Variants in KLHDC2 observed in about 807,000 individuals in gnomAD.
The protein encoded by KLHDC2 is kelch domain-containing protein 2.
Under a neutral mutation model 62.3 loss-of-function variants are expected in KLHDC2, and 38 were observed. That is an observed-to-expected ratio of 0.61 (90% CI 0.47 to 0.80). The LOEUF (loss-of-function observed/expected upper bound fraction) is 0.80. Ranked by LOEUF, KLHDC2 falls within the 30% of genes least tolerant of loss-of-function variation. The probability of loss-of-function intolerance (pLI) is 0.00; values close to 1 mark genes in which losing one functional copy is unlikely to be tolerated. For synonymous variants in KLHDC2, 159 were observed against 161.0 expected (o/e 0.99, Z 0.09); for missense variants, 430 against 495.3 (o/e 0.87, Z 1.25).
intron 3 of KLHDC2, 109 bp from the exon 4 acceptor site, chr14:49,777,730 G>A (rs948014106): frequency 2.0e-5 from 12 of 613,336 alleles, no homozygotes; most frequent in Non-Finnish European, 3.1e-5. Flanking sequence ...CACAATTTCA[G>A]TAGCACTGAA....
Position 49,785,360 on chromosome 14 carries a change from C to G in KLHDC2, c.*2407C>G, listed in dbSNP as rs578083159. The G allele has an allele frequency of 4.3e-6, 6 of 1,389,576 alleles. No individual in the cohort carries two copies. Among genetic ancestry groups the G allele is most frequent in the Non-Finnish European group, 5.1e-6 (5 of 976,968 alleles). The allele number at this position is 1,389,576 out of a possible 1,614,324, so 86.1% of individuals were successfully genotyped here. ...TAACAGTTACAAAGGCAATTTATAC[C>G]GCCCTTTACAAAAAATGCTAAAACA... On this transcript the variant is annotated 3_prime_UTR_variant, in exon 13 of 13. Coordinates refer to ENST00000298307, the MANE Select transcript of KLHDC2 (RefSeq NM_014315.3).
intron 8 of KLHDC2, 29 bp from the exon 9 acceptor site, chr14:49,780,184 A>C: frequency 1.1e-5 from 15 of 1,310,578 alleles, no homozygotes; most frequent in Non-Finnish European, 1.7e-5. Flanking sequence ...TTCTAAATGC[A>C]GATATTGTAA....
At chr14:49,768,730 C>A in intron 1 of KLHDC2, 109 bp downstream of exon 1, 1 of 1,041,186 alleles carries the variant, frequency 9.6e-7, no homozygotes, top group Non-Finnish European at 1.3e-6. Context: ...TCCCCGCCTG[C>A]GTCGCGCGCC....
rs1384686215 is a variant in KLHDC2, at chr14:49,784,144, T to G, written c.*1191T>G. ...AGCATTTAACTGTCCACAAATACTT[T>G]AGGAAATCCTATCATAGTGTTTCCT... On this transcript the variant is annotated 3_prime_UTR_variant, in exon 13 of 13. Coordinates refer to ENST00000298307, the MANE Select transcript of KLHDC2 (RefSeq NM_014315.3). 2.0e-5 allele frequency: 3 copies of G among 152,294 alleles called. No individual in the cohort carries two copies. Among genetic ancestry groups the G allele is most frequent in the Non-Finnish European group, 4.4e-5 (3 of 68,246 alleles). The allele number at this position is 152,294 out of a possible 1,614,324, so 9.4% of individuals were successfully genotyped here.
Position 49,783,001 on chromosome 14 carries a change from G to A in KLHDC2, c.*48G>A, listed in dbSNP as rs1444320073. The A allele has an allele frequency of 3.8e-6, 6 of 1,577,536 alleles. No homozygotes were observed. In the East Asian group the frequency reaches 1.4e-4, roughly 36 times the overall value. ...ATCACCTTGCATGGACAGCAATCCTGTAAACATCACAGAGTGGCATCATTT... is the reference window on the plus strand; with the variant it reads ...ATCACCTTGCATGGACAGCAATCCTATAAACATCACAGAGTGGCATCATTT... On this transcript the variant is annotated 3_prime_UTR_variant, in exon 13 of 13. Coordinates refer to ENST00000298307, the MANE Select transcript of KLHDC2 (RefSeq NM_014315.3).
chr14:49,779,298 A>G (rs534777116), intron 6 of KLHDC2, among the ~76,000 whole-genome samples: 12 of 152,322 alleles, frequency 7.9e-5, no homozygotes, highest in Middle Eastern at 3.4e-3. Context: ...ACAGATAATT[A>G]TATTTCTTTT....
At chr14:49,782,002 A>G (rs1889925124) in intron 10 of KLHDC2, 1 of 197,180 alleles carries the variant, frequency 5.1e-6, no homozygotes, top group Admixed American at 6.0e-5. Context: ...TTACTCAAGC[A>G]GGGCTTTCAC....
chr14:49,784,366 C>T lies in KLHDC2; in HGVS notation c.*1413C>T, dbSNP rs1418022404. On this transcript the variant is annotated 3_prime_UTR_variant, in exon 13 of 13. Transcript: ENST00000298307. ...GAAATGAATACTTGGTATTAACCTC[C>T]CAAATTTCAAGAAAATGTAGAATAA... The T allele has an allele frequency of 8.5e-5, 25 of 293,656 alleles. No individual in the cohort carries two copies. The highest frequency in any genetic ancestry group is 1.3e-4 in the East Asian group (2 of 15,708). 18.2% of individuals were successfully genotyped at this position (293,656 alleles called of 1,614,324 possible). A position where few individuals can be genotyped will look rare whatever the true frequency, so the allele number is the denominator to read the frequency against.
intron 3 of KLHDC2, 86 bp downstream of exon 3, chr14:49,774,764 A>G (rs1594700626): frequency 6.0e-6 from 5 of 828,502 alleles, no homozygotes; most frequent in African/African-American, 1.7e-5. Context: ...TTAGCCCCAG[A>G]CTTATTTGTG....
chr14:49,780,164 C>T (rs1202168295), intron 8 of KLHDC2, 49 bp from the exon 9 acceptor site: 6 of 1,165,096 alleles, frequency 5.1e-6, no homozygotes, highest in Non-Finnish European at 7.7e-6. Flanking sequence ...CTTAAAAATA[C>T]AGTAGCTGCT....
intron 6 of KLHDC2, among the ~76,000 whole-genome samples, chr14:49,779,074 A>G (rs1457002036): frequency 6.6e-6 from 1 of 152,142 alleles, no homozygotes; most frequent in Non-Finnish European, 1.5e-5. Flanking sequence ...GAATATTTGC[A>G]TTATATACTT....
chr14:49,768,656 C>A, intron 1 of KLHDC2, 35 bp downstream of exon 1: 1 of 1,540,990 alleles, frequency 6.5e-7, no homozygotes, highest in South Asian at 1.2e-5. Context: ...GGACGTCGCT[C>A]GGCTGTGACT....
chr14:49,783,058 C>A lies in KLHDC2; in HGVS notation c.*105C>A. On this transcript the variant is annotated 3_prime_UTR_variant, in exon 13 of 13. Transcript: ENST00000298307. ...TTATATGCATTGTTGTAGTTTGCAC[C>A]TGTTGGTTTTAATGTGCATGTGAAT... The A allele has an allele frequency of 8.0e-7, 1 of 1,256,960 alleles. No individual in the cohort carries two copies. The highest frequency in any genetic ancestry group is 1.1e-6 in the Non-Finnish European group (1 of 917,190). The allele number at this position is 1,256,960 out of a possible 1,614,324, so 77.9% of individuals were successfully genotyped here.
At chr14:49,778,374 T>A in intron 5 of KLHDC2, 37 bp from the exon 6 acceptor site, 2 of 1,371,334 alleles carry the variant, frequency 1.5e-6, no homozygotes, top group Admixed American at 1.9e-5. Context: ...TTTATAAATA[T>A]CATTTCTAAA....
At position 49,782,909 on chromosome 14, in the gene KLHDC2, A is replaced by G. The variant is rs1040141896; in HGVS notation, c.1177A>G (p.Ser393Gly). 1 of 1,613,778 alleles carries G rather than the reference A, an allele frequency of 6.2e-7. No homozygotes were observed. Among genetic ancestry groups the G allele is most frequent in the Non-Finnish European group, 8.5e-7 (1 of 1,179,762 alleles). ...CTGCCTTCCAAAACACTTACTTCAC[A>G]GTGTTAATCAGAGGTTTGGTAGTAA... ...WNCLPKHLLH[S>G]VNQRFGSNNT... The change falls in exon 13 of 13, where the codon AGT becomes GGT. Residue 393 changes from serine (S) to glycine (G), a missense_variant. By Grantham distance (56) the Ser-to-Gly change is moderately conservative. Transcript: ENST00000298307.
At chr14:49,777,506 A>G (rs1031785505) in intron 3 of KLHDC2, among the ~76,000 whole-genome samples, 2 of 151,988 alleles carry the variant, frequency 1.3e-5, no homozygotes, top group East Asian at 3.9e-4. Flanking sequence ...AGGTGGGAAG[A>G]TGACTTAAGC....
rs754917189 is a variant in KLHDC2 at position 49,783,418 on chromosome 14, C to CA, written c.*468dup. ...TCACATTATGACGAAGCTGGAAAAA[C>CA]AAAGTGTGGAGGGACCAACAACTGT... On this transcript the variant is annotated 3_prime_UTR_variant, in exon 13 of 13. Transcript: ENST00000298307. 1 of 151,602 alleles carries CA rather than the reference C, an allele frequency of 6.6e-6. No homozygotes were observed. Among genetic ancestry groups the CA allele is most frequent in the East Asian group, 1.9e-4 (1 of 5,178 alleles). The allele number at this position is 151,602 out of a possible 1,614,324, so 9.4% of individuals were successfully genotyped here. A position where few individuals can be genotyped will look rare whatever the true frequency, so the allele number is the denominator to read the frequency against.
chr14:49,774,705 G>A, intron 3 of KLHDC2, 27 bp downstream of exon 3: 1 of 1,332,220 alleles, frequency 7.5e-7, no homozygotes, highest in Non-Finnish European at 1.1e-6. Flanking sequence ...ATTATGGCTT[G>A]AGGCATTTTT....
intron 10 of KLHDC2, chr14:49,782,091 G>C (rs566489039): frequency 2.7e-6 from 1 of 369,602 alleles, no homozygotes; most frequent in Non-Finnish European, 4.8e-6. Flanking sequence ...GCTCCCATAC[G>C]ATTTTTATTG....
Sources: allele counts gnomAD v4.1 joint callset (sites outside exome capture counted in the v4.1 genomes callset), GRCh38; gene constraint gnomAD v4.1.1; transcripts MANE v1.5; gene names NCBI Gene and HGNC (gene_info 2026-07-23, HGNC 2026-07-21).